CACNA1C: variants seen among roughly 807,000 people sequenced by gnomAD.
CACNA1C encodes the protein voltage-dependent L-type calcium channel subunit alpha-1C.
Under a neutral mutation model 229.0 loss-of-function variants are expected in CACNA1C, and 30 were observed. The observed-to-expected ratio is 0.13, with a 90% CI of 0.10 to 0.18. CACNA1C has a LOEUF of 0.18. Among genes scored for constraint, CACNA1C ranks in the 10% least tolerant of loss-of-function variants. The pLI is 1.00. For missense variants in CACNA1C, 1,658 were observed against 2,845.0 expected, an observed-to-expected ratio of 0.58 and a Z score of 9.49; for synonymous variants, 1,114 against 1,132.5, an observed-to-expected ratio of 0.98 and a Z score of 0.33.
At chr12:1,996,781 C>A (rs946755644) in intron 1 of CACNA1C, among the ~76,000 whole-genome samples, 1 of 152,110 alleles carries the variant, frequency 6.6e-6, no homozygotes, top group South Asian at 2.1e-4. Flanking sequence ...CTTCCATGAT[C>A]ACAGCAGCCC....
intron 3 of CACNA1C, among the ~76,000 whole-genome samples, chr12:2,423,073 A>C (rs1395558371): frequency 6.6e-6 from 1 of 151,454 alleles, no homozygotes; most frequent in Admixed American, 6.6e-5. Flanking sequence ...ATGATTTCCC[A>C]CTCCCTCCAT....
At chr12:2,247,928 G>A (rs946575842) in intron 3 of CACNA1C, among the ~76,000 whole-genome samples, 1 of 152,148 alleles carries the variant, frequency 6.6e-6, no homozygotes, top group Non-Finnish European at 1.5e-5. Context: ...GGGGACAGGT[G>A]GCTGAGAACC....
chr12:2,210,860 C>T (rs1174297456), intron 3 of CACNA1C, among the ~76,000 whole-genome samples: 1 of 151,582 alleles, frequency 6.6e-6, no homozygotes, highest in African/African-American at 2.4e-5. Context: ...GTATCATCTC[C>T]TCTCTGGTAA....
chr12:2,007,308 A>G (rs1052399651), intron 1 of CACNA1C, among the ~76,000 whole-genome samples: 1 of 152,346 alleles, frequency 6.6e-6, no homozygotes, highest in East Asian at 1.9e-4. Context: ...TTTAAAGTGT[A>G]AAGAATAGAT....
At chr12:2,505,221 C>T (rs772083660) in intron 8 of CACNA1C, among the ~76,000 whole-genome samples, 21 of 152,144 alleles carry the variant, frequency 1.4e-4, no homozygotes, top group Middle Eastern at 6.3e-3. Flanking sequence ...AGGCAGGGCA[C>T]TTCTCCTTGT....
intron 8 of CACNA1C, among the ~76,000 whole-genome samples, chr12:2,507,520 A>T (rs2099774449): frequency 6.6e-6 from 1 of 152,258 alleles, no homozygotes; most frequent in African/African-American, 2.4e-5. Context: ...TTGACCATGC[A>T]GTCAAACACC....
At chr12:2,669,452 C>T (rs1043964567) in intron 38 of CACNA1C, among the ~76,000 whole-genome samples, 11 of 152,214 alleles carry the variant, frequency 7.2e-5, no homozygotes, top group Admixed American at 4.6e-4. Flanking sequence ...GTTAGACAAG[C>T]CTGCTCTAGC....
intron 3 of CACNA1C, among the ~76,000 whole-genome samples, chr12:2,221,033 C>T (rs2061340766): frequency 6.6e-6 from 1 of 152,206 alleles, no homozygotes; most frequent in South Asian, 2.1e-4. Context: ...GGGAGGTCCC[C>T]TCTGGGACCT....
chr12:2,378,287 C>T (rs887050737), intron 3 of CACNA1C, among the ~76,000 whole-genome samples: 5 of 152,168 alleles, frequency 3.3e-5, no homozygotes, highest in African/African-American at 1.2e-4. Flanking sequence ...CAGGAGAGTT[C>T]CAGGCATCCT....
intron 21 of CACNA1C, among the ~76,000 whole-genome samples, chr12:2,599,705 G>A (rs2070899427): frequency 6.6e-6 from 1 of 152,028 alleles, no homozygotes; most frequent in African/African-American, 2.4e-5. Flanking sequence ...GCAGGACCGA[G>A]GTGGCTGGCA....
chr12:2,298,579 G>C (rs1253497406), intron 3 of CACNA1C, among the ~76,000 whole-genome samples: 3 of 152,060 alleles, frequency 2.0e-5, no homozygotes, highest in Non-Finnish European at 4.4e-5. Flanking sequence ...TTACAGGCAT[G>C]AGCCACCGTG....
intron 3 of CACNA1C, among the ~76,000 whole-genome samples, chr12:2,151,467 C>A (rs2154214963): frequency 6.6e-6 from 1 of 152,100 alleles, no homozygotes; most frequent in Non-Finnish European, 1.5e-5. Flanking sequence ...GTAGCAGAAC[C>A]AGAAATAGTC....
chr12:2,612,776 G>A (rs924903704), intron 29 of CACNA1C: 1 of 152,226 alleles, frequency 6.6e-6, no homozygotes, highest in Non-Finnish European at 1.5e-5. Context: ...TCCACCCTGG[G>A]CCTCTGTAGA....
intron 3 of CACNA1C, among the ~76,000 whole-genome samples, chr12:2,313,367 C>T (rs1170915701): frequency 6.6e-6 from 1 of 152,172 alleles, no homozygotes; most frequent in Non-Finnish European, 1.5e-5. Context: ...ACTTCCTCCC[C>T]ACCCAAAAAG....
At position 2,694,520 on chromosome 12, in the gene CACNA1C, T is replaced by A. The variant is rs547684825; in HGVS notation, c.*3321T>A. ...TTCCCAGCTTTGATTCAGAAGGTAC[T>A]AGTTATAACCCCTTTCCTTCTTCTT... On this transcript the variant is annotated 3_prime_UTR_variant, in exon 47 of 47. Transcript: ENST00000399655. The A allele has an allele frequency of 6.6e-6, 1 of 152,406 alleles. No individual in the cohort carries two copies. The highest frequency in any genetic ancestry group is 2.1e-4 in the South Asian group (1 of 4,824). The allele number at this position is 152,406 out of a possible 1,614,324, so 9.4% of individuals were successfully genotyped here. A position where few individuals can be genotyped will look rare whatever the true frequency, so the allele number is the denominator to read the frequency against.
At chr12:2,593,074 G>A in intron 18 of CACNA1C, 139 bp from the exon 19 acceptor site, 1 of 889,746 alleles carries the variant, frequency 1.1e-6, no homozygotes, top group East Asian at 2.7e-5. Context: ...CACCCACAGG[G>A]AGACAGCAGA....
chr12:2,272,454 G>A (rs1260134042), intron 3 of CACNA1C, among the ~76,000 whole-genome samples: 2 of 152,134 alleles, frequency 1.3e-5, no homozygotes, highest in Non-Finnish European at 2.9e-5. Flanking sequence ...CTCCCAAGCA[G>A]CCTATTGCTT....
intron 30 of CACNA1C, among the ~76,000 whole-genome samples, chr12:2,640,550 C>T (rs1296824926): frequency 6.6e-6 from 1 of 152,218 alleles, no homozygotes; most frequent in Non-Finnish European, 1.5e-5. Flanking sequence ...AGAGCAGCAC[C>T]ACTCCCTTTG....
chr12:2,423,473 T>C (rs1410598130), intron 3 of CACNA1C, among the ~76,000 whole-genome samples: 5 of 152,152 alleles, frequency 3.3e-5, no homozygotes, highest in African/African-American at 1.2e-4. Context: ...GATGGGGTAA[T>C]ATACTTACAT....
Sources: gnomAD v4.1 joint callset for allele counts (sites outside exome capture counted in the v4.1 genomes callset) on GRCh38, gnomAD v4.1.1 for gene constraint, MANE v1.5 for transcripts, NCBI Gene and HGNC (gene_info 2026-07-23, HGNC 2026-07-21) for gene names.